AMBRA1: variants seen among roughly 807,000 people sequenced by gnomAD.
AMBRA1 encodes the protein activating molecule in BECN1-regulated autophagy protein 1.
AMBRA1 carries 47 observed loss-of-function variants against 125.4 expected under a neutral mutation model. The ratio of observed to expected loss-of-function variants is 0.37; its 90% CI spans 0.30 to 0.48. AMBRA1 has a LOEUF of 0.48. AMBRA1 is among the 20% of genes least tolerant of loss of function. The probability of loss-of-function intolerance (pLI) is 0.99; values close to 1 mark genes in which losing one functional copy is unlikely to be tolerated. For synonymous variants in AMBRA1, 626 were observed against 655.5 expected, an observed-to-expected ratio of 0.95 and a Z score of 0.69; for missense variants, 1,331 against 1,693.4, an observed-to-expected ratio of 0.79 and a Z score of 3.76.
intron 12 of AMBRA1, among the ~76,000 whole-genome samples, chr11:46,435,275 C>G (rs1947667290): frequency 6.6e-6 from 1 of 152,212 alleles, no homozygotes; most frequent in Admixed American, 6.5e-5. Context: ...ACCACAACCA[C>G]CTGCTGAGTC....
At chr11:46,549,372 C>T (rs1405532396) in intron 1 of AMBRA1, among the ~76,000 whole-genome samples, 1 of 152,150 alleles carries the variant, frequency 6.6e-6, no homozygotes, top group Non-Finnish European at 1.5e-5. Context: ...AAGAATGGTA[C>T]AATAAACATA....
chr11:46,549,830 G>T (rs1440512801), intron 1 of AMBRA1, among the ~76,000 whole-genome samples: 1 of 151,720 alleles, frequency 6.6e-6, no homozygotes, highest in African/African-American at 2.4e-5. Context: ...TTTTTTGGGG[G>T]GGGTGGGGGA....
chr11:46,457,652 G>A (rs1167684148), intron 11 of AMBRA1, among the ~76,000 whole-genome samples: 1 of 152,156 alleles, frequency 6.6e-6, no homozygotes, highest in Non-Finnish European at 1.5e-5. Flanking sequence ...TATAATCCCA[G>A]CACTTTGGAA....
At chr11:46,458,125 T>C (rs1018256742) in intron 11 of AMBRA1, among the ~76,000 whole-genome samples, 1 of 152,170 alleles carries the variant, frequency 6.6e-6, no homozygotes, top group Non-Finnish European at 1.5e-5. Context: ...ACCAGGCATA[T>C]GCTGTGGAAT....
At chr11:46,503,085 A>G (rs1024784752) in intron 9 of AMBRA1, among the ~76,000 whole-genome samples, 3 of 151,066 alleles carry the variant, frequency 2.0e-5, no homozygotes, top group Admixed American at 2.0e-4. Context: ...AAAAAAAAAA[A>G]AAATGAATTT....
chr11:46,493,748 T>C, intron 10 of AMBRA1, 40 bp from the exon 11 acceptor site: 1 of 1,516,530 alleles, frequency 6.6e-7, no homozygotes, highest in South Asian at 1.2e-5. Context: ...GACTAAAGAC[T>C]ACCACGAAAC....
At chr11:46,401,754 T>G (rs1184746010) in intron 17 of AMBRA1, among the ~76,000 whole-genome samples, 1 of 152,240 alleles carries the variant, frequency 6.6e-6, no homozygotes, top group East Asian at 1.9e-4. Flanking sequence ...CTGGGCTTCT[T>G]GCTTCCAGTC....
At chr11:46,476,002 A>G (rs926243819) in intron 11 of AMBRA1, among the ~76,000 whole-genome samples, 1 of 152,246 alleles carries the variant, frequency 6.6e-6, no homozygotes, top group Non-Finnish European at 1.5e-5. Flanking sequence ...AGCCTTTCAG[A>G]AAATGGTCAC....
chr11:46,407,110 C>T (rs922226531), intron 17 of AMBRA1, among the ~76,000 whole-genome samples: 3 of 151,970 alleles, frequency 2.0e-5, no homozygotes, highest in Middle Eastern at 3.2e-3. Context: ...ACTCGGGAAG[C>T]GGTGGTTGCA....
rs1044923537 is a variant in AMBRA1, at chr11:46,581,432, C to T, written c.-121+12396G>A. Among the ~76,000 whole-genome samples, 4 of 151,906 alleles carry T rather than the reference C, an allele frequency of 2.6e-5. 1 individual carries two copies. The highest frequency in any genetic ancestry group is 2.6e-4 in the Admixed American group (4 of 15,232). ...GACCATCCTGGCTAACACATGAAAC[C>T]CCGTCTCTACTAAAAATACAAAAAA... is the stretch of plus-strand genomic sequence containing the variant. On this transcript the variant is annotated intron_variant, in intron 1 of 17. Transcript: ENST00000683756.
At chr11:46,481,653 G>T (rs1434240185) in intron 11 of AMBRA1, among the ~76,000 whole-genome samples, 1 of 152,134 alleles carries the variant, frequency 6.6e-6, no homozygotes, top group Non-Finnish European at 1.5e-5. Flanking sequence ...ATGATCTACC[G>T]CGCCCGGCCT....
At chr11:46,560,451 C>T (rs1324546850) in intron 1 of AMBRA1, among the ~76,000 whole-genome samples, 1 of 152,176 alleles carries the variant, frequency 6.6e-6, no homozygotes, top group Admixed American at 6.5e-5. Context: ...CACAATGATG[C>T]TGCCTAATGT....
intron 17 of AMBRA1, among the ~76,000 whole-genome samples, chr11:46,399,683 C>T (rs969316673): frequency 2.0e-5 from 3 of 152,198 alleles, no homozygotes. Flanking sequence ...AGAGTTTTAA[C>T]TGTTCCTTGG....
At chr11:46,497,945 GA>G (rs2134994636) in intron 9 of AMBRA1, among the ~76,000 whole-genome samples, 1 of 152,244 alleles carries the variant, frequency 6.6e-6, no homozygotes, top group East Asian at 1.9e-4. Context: ...AAGGGAGAGG[GA>G]TAAGTTCCAA....
At chr11:46,577,580 T>C (rs781549154) in intron 1 of AMBRA1, among the ~76,000 whole-genome samples, 3 of 152,140 alleles carry the variant, frequency 2.0e-5, no homozygotes, top group Non-Finnish European at 4.4e-5. Flanking sequence ...CACTGAATTG[T>C]TCATTTTAAG....
chr11:46,533,467 T>C (rs548025200), intron 7 of AMBRA1, among the ~76,000 whole-genome samples: 3 of 152,230 alleles, frequency 2.0e-5, no homozygotes, highest in African/African-American at 4.8e-5. Flanking sequence ...GCCTTCTTGT[T>C]TGGAGGTTGG....
At chr11:46,543,926 GAA>G (rs907090487) in intron 6 of AMBRA1, 47 bp downstream of exon 6, 7 of 1,451,170 alleles carry the variant, frequency 4.8e-6, no homozygotes, top group Non-Finnish European at 6.7e-6. Context: ...TACTAGTTAA[GAA>G]AAGAACTCAC....
intron 9 of AMBRA1, among the ~76,000 whole-genome samples, chr11:46,496,983 G>A (rs536238245): frequency 6.6e-6 from 1 of 151,902 alleles, no homozygotes; most frequent in African/African-American, 2.4e-5. Context: ...GTGATGGCGA[G>A]CGCCTGTAAT....
intron 1 of AMBRA1, among the ~76,000 whole-genome samples, chr11:46,552,555 C>T (rs981474693): frequency 3.3e-5 from 5 of 150,942 alleles, no homozygotes; most frequent in Non-Finnish European, 7.4e-5. Flanking sequence ...CGTGATGGTA[C>T]GCGCCTGTAA....
Sources: gnomAD v4.1 joint callset for allele counts (sites outside exome capture counted in the v4.1 genomes callset) on GRCh38, gnomAD v4.1.1 for gene constraint, MANE v1.5 for transcripts, NCBI Gene and HGNC (gene_info 2026-07-23, HGNC 2026-07-21) for gene names.